The following TMEM232 variants were observed in gnomAD, a reference collection of about 807,000 sequenced individuals.
The protein encoded by TMEM232 is transmembrane protein 232.
TMEM232 carries 80 observed loss-of-function variants against 78.8 expected under a neutral mutation model. The observed-to-expected ratio is 1.01, with a 90% confidence interval of 0.85 to 1.22. TMEM232 has a LOEUF of 1.22. Ranked by LOEUF, TMEM232 falls within the 50% of genes most tolerant of loss-of-function variation. The pLI is 0.00. For missense variants in TMEM232, 881 were observed against 742.2 expected (o/e 1.19, Z -2.17); for synonymous variants, 297 against 254.3 (o/e 1.17, Z -1.60).
At chr5:110,424,346 A>G (rs1288657054) in intron 13 of TMEM232, among the ~76,000 whole-genome samples, 1 of 152,218 alleles carries the variant, frequency 6.6e-6, no homozygotes, top group East Asian at 1.9e-4. Context: ...AGAAATTATC[A>G]ACAAAATATA....
intron 11 of TMEM232, among the ~76,000 whole-genome samples, chr5:110,545,879 T>C (rs955654011): frequency 3.3e-5 from 5 of 152,152 alleles, no homozygotes; most frequent in Non-Finnish European, 5.9e-5. Context: ...TGTGCCAGCA[T>C]ATGCTGCTGA....
chr5:110,588,582 C>T (rs1437004281), intron 10 of TMEM232, among the ~76,000 whole-genome samples: 2 of 152,102 alleles, frequency 1.3e-5, no homozygotes, highest in Non-Finnish European at 2.9e-5. Context: ...TCTTCACATA[C>T]TGGAAGGACT....
intron 3 of TMEM232, 33 bp downstream of exon 3, chr5:110,642,227 A>G: frequency 7.3e-7 from 1 of 1,366,032 alleles, no homozygotes; most frequent in Non-Finnish European, 1.0e-6. Flanking sequence ...AAAGGAAGTT[A>G]ACATGCTCAA....
chr5:110,595,335 C>T (rs1780031580), intron 10 of TMEM232, among the ~76,000 whole-genome samples: 1 of 152,120 alleles, frequency 6.6e-6, no homozygotes, highest in South Asian at 2.1e-4. Context: ...TGCAAAAATG[C>T]TGAAAATTCT....
chr5:110,721,273 A>G (rs945800332), intron 1 of TMEM232, among the ~76,000 whole-genome samples: 2 of 152,106 alleles, frequency 1.3e-5, no homozygotes, highest in Admixed American at 6.6e-5. Context: ...TGTGACACCA[A>G]TAAAATGTAG....
At chr5:110,446,183 A>T (rs1328607813) in intron 12 of TMEM232, among the ~76,000 whole-genome samples, 1 of 152,076 alleles carries the variant, frequency 6.6e-6, no homozygotes, top group African/African-American at 2.4e-5. Flanking sequence ...CTGGCCTCTG[A>T]CCTTTAAGGA....
intron 1 of TMEM232, among the ~76,000 whole-genome samples, chr5:110,675,601 A>C (rs1791928082): frequency 6.6e-6 from 1 of 152,208 alleles, no homozygotes; most frequent in South Asian, 2.1e-4. Context: ...TCCAGGTAAC[A>C]GACTAGCTCA....
chr5:110,610,280 T>G (rs1436776979), intron 8 of TMEM232, among the ~76,000 whole-genome samples: 17 of 17,418 alleles, frequency 9.8e-4, no homozygotes, highest in Admixed American at 1.3e-3. Flanking sequence ...GGTGGGTGGG[T>G]GAAGGGAGGG....
At chr5:110,724,602 G>A (rs1038963852) in intron 1 of TMEM232, among the ~76,000 whole-genome samples, 3 of 151,946 alleles carry the variant, frequency 2.0e-5, no homozygotes, top group South Asian at 4.2e-4. Context: ...CCTAGATCAC[G>A]GCCACTGCCA....
intron 2 of TMEM232, among the ~76,000 whole-genome samples, chr5:110,649,714 T>C (rs555643890): frequency 6.6e-6 from 1 of 152,248 alleles, no homozygotes; most frequent in Non-Finnish European, 1.5e-5. Flanking sequence ...TCTTTTCGAG[T>C]ATGAAGGGCC....
intron 6 of TMEM232, 56 bp from the exon 7 acceptor site, chr5:110,625,489 T>G: frequency 1.4e-6 from 2 of 1,395,988 alleles, no homozygotes; most frequent in Non-Finnish European, 1.9e-6. Context: ...TGCACTGTGT[T>G]TCATTTGTCT....
chr5:110,592,239 T>A (rs1779623949), intron 10 of TMEM232, among the ~76,000 whole-genome samples: 1 of 152,154 alleles, frequency 6.6e-6, no homozygotes. Context: ...TCTAGAGGTG[T>A]TATATTCTCT....
chr5:110,526,453 T>C (rs1770616996), intron 12 of TMEM232, among the ~76,000 whole-genome samples: 1 of 151,846 alleles, frequency 6.6e-6, no homozygotes. Flanking sequence ...ATGAAAGGTG[T>C]TCAAACTACT....
At chr5:110,657,774 A>G (rs931295596) in intron 2 of TMEM232, among the ~76,000 whole-genome samples, 2 of 152,202 alleles carry the variant, frequency 1.3e-5, no homozygotes, top group Non-Finnish European at 2.9e-5. Flanking sequence ...AAGAAATAAT[A>G]CATGTTTAAA....
chr5:110,398,917 A>G (rs1197127087), intron 2 of TMEM232, among the ~76,000 whole-genome samples: 1 of 152,144 alleles, frequency 6.6e-6, no homozygotes, highest in Non-Finnish European at 1.5e-5. Flanking sequence ...CTGTTATAGT[A>G]GTTTCCAGTG....
At chr5:110,679,202 G>A in intron 1 of TMEM232, among the ~76,000 whole-genome samples, 1 of 152,126 alleles carries the variant, frequency 6.6e-6, no homozygotes, top group East Asian at 1.9e-4. Flanking sequence ...TGTTGTCAGT[G>A]TTCTGACTTT....
At chr5:110,724,284 C>T (rs1797949580) in intron 1 of TMEM232, among the ~76,000 whole-genome samples, 1 of 152,154 alleles carries the variant, frequency 6.6e-6, no homozygotes, top group Admixed American at 6.6e-5. Context: ...CATCCCTATA[C>T]TGTAAACCAC....
intron 2 of TMEM232, among the ~76,000 whole-genome samples, chr5:110,406,005 A>G (rs1471034361): frequency 6.6e-6 from 1 of 151,942 alleles, no homozygotes; most frequent in Non-Finnish European, 1.5e-5. Flanking sequence ...AGAAAGAGAA[A>G]ATCTTAAAAA....
chr5:110,719,639 T>C (rs796292471), intron 1 of TMEM232, among the ~76,000 whole-genome samples: 8 of 152,218 alleles, frequency 5.3e-5, no homozygotes, highest in African/African-American at 1.9e-4. Flanking sequence ...TTTTTGATAT[T>C]GTTTGCTTAT....
Sources: gnomAD v4.1 joint callset for allele counts (sites outside exome capture counted in the v4.1 genomes callset) on GRCh38, gnomAD v4.1.1 for gene constraint, MANE v1.5 for transcripts, NCBI Gene and HGNC (gene_info 2026-07-23, HGNC 2026-07-21) for gene names.